Variants in ANK2 observed in about 807,000 individuals in gnomAD.
ANK2 encodes ankyrin 2, also known as ankyrin-2.
In ANK2, 83 loss-of-function variants were observed where a neutral mutation model predicts 360.5. That is an observed-to-expected ratio of 0.23 (90% CI 0.19 to 0.28). The LOEUF is 0.28. Among genes scored for constraint, ANK2 ranks in the 10% least tolerant of loss-of-function variants. The pLI is 1.00. For synonymous variants in ANK2, 1,740 were observed against 1,759.5 expected, an observed-to-expected ratio of 0.99 and a Z score of 0.28; for missense variants, 4,201 against 4,795.7, an observed-to-expected ratio of 0.88 and a Z score of 3.66.
chr4:112,952,253 C>T (rs754880032), intron 2 of ANK2, among the ~76,000 whole-genome samples: 2 of 152,034 alleles, frequency 1.3e-5, no homozygotes, highest in African/African-American at 2.4e-5. Flanking sequence ...GCATAGATAA[C>T]GGTAAAATGT....
chr4:113,276,783 G>T (rs1372694615), intron 15 of ANK2, among the ~76,000 whole-genome samples: 2 of 152,204 alleles, frequency 1.3e-5, no homozygotes, highest in African/African-American at 2.4e-5. Context: ...GACACCGAAA[G>T]GGCAATATTG....
At chr4:113,220,678 G>A (rs914860901) in intron 4 of ANK2, among the ~76,000 whole-genome samples, 4 of 152,170 alleles carry the variant, frequency 2.6e-5, no homozygotes, top group Non-Finnish European at 5.9e-5. Flanking sequence ...AGAGAAAAAT[G>A]TTTTGGAGTT....
the ANK2 span, among the ~76,000 whole-genome samples, chr4:112,737,035 A>C: frequency 6.6e-6 from 1 of 152,074 alleles, no homozygotes; most frequent in Non-Finnish European, 1.5e-5. Context: ...CTGAAGTTGC[A>C]TGGTTTGAGT....
chr4:112,985,200 A>G (rs2044432444), intron 2 of ANK2, among the ~76,000 whole-genome samples: 1 of 152,326 alleles, frequency 6.6e-6, no homozygotes, highest in African/African-American at 2.4e-5. Context: ...TTAAAATACT[A>G]TTCTATACCT....
Position 113,233,106 on chromosome 4 carries a change from G to GTTTTTTTTTTTTTTT in ANK2, c.483+879_483+893dup, listed in dbSNP as rs1156385030. Among the ~76,000 whole-genome samples the GTTTTTTTTTTTTTTT allele has an allele frequency of 2.5e-5, 2 of 79,704 alleles. 1 individual carries two copies. The highest frequency in any genetic ancestry group is 5.0e-5 in the Non-Finnish European group (2 of 39,856). The allele number at this position is 79,704 out of a possible 152,430, so 52.3% of individuals were successfully genotyped here. ...CAGAGTATATGGGCTTGGCTTTTCTGTTTTTTTTTTTTTTTTTTTTTTTTT... is the reference window on the plus strand; with the variant it reads ...CAGAGTATATGGGCTTGGCTTTTCTGTTTTTTTTTTTTTTTTTTTTTTTTTTTTTTTTTTTTTTTT... On this transcript the variant is annotated intron_variant, in intron 5 of 45. Transcript: ENST00000357077.
chr4:113,258,088 C>A lies in ANK2; in HGVS notation c.1227C>A (p.Asn409Lys), dbSNP rs773501036. The A allele has an allele frequency of 6.2e-7, 1 of 1,614,186 alleles. No homozygotes were observed. Among genetic ancestry groups the A allele is most frequent in the Non-Finnish European group, 8.5e-7 (1 of 1,180,018 alleles). ...CACTGCACATTGCCTGCAAGAAAAA[C>A]CGCATCAAAGTCATGGAACTGCTGG... ...FTPLHIACKK[N>K]RIKVMELLVK... Residue 409 changes from asparagine (N) to lysine (K), a missense_variant, in exon 12 of 46, where the codon AAC (asparagine) becomes AAA (lysine). Asn to Lys is a moderately conservative substitution (Grantham distance 94, BLOSUM62 0). Coordinates refer to ENST00000357077, the MANE Select transcript of ANK2 (RefSeq NM_001148.6).
At chr4:113,311,808 AT>A (rs2080123012) in intron 24 of ANK2, among the ~76,000 whole-genome samples, 1 of 152,194 alleles carries the variant, frequency 6.6e-6, no homozygotes, top group African/African-American at 2.4e-5. Context: ...TAGTAACATA[AT>A]TTCTGTGAAT....
At chr4:112,763,788 G>A in the ANK2 span, among the ~76,000 whole-genome samples, 1 of 152,052 alleles carries the variant, frequency 6.6e-6, no homozygotes, top group African/African-American at 2.4e-5. Context: ...CCAAAGTGCT[G>A]GGATTACAGG....
At chr4:113,177,238 G>A (rs1047217417) in intron 2 of ANK2, among the ~76,000 whole-genome samples, 6 of 151,958 alleles carry the variant, frequency 3.9e-5, no homozygotes, top group Admixed American at 2.6e-4. Flanking sequence ...CCGCCACCAC[G>A]CCCGGCTAAT....
At chr4:113,008,380 A>T (rs773652054) in intron 2 of ANK2, among the ~76,000 whole-genome samples, 14 of 152,010 alleles carry the variant, frequency 9.2e-5, no homozygotes, top group Non-Finnish European at 1.8e-4. Context: ...TGCCAATAGA[A>T]ATGTTATTTT....
intron 2 of ANK2, among the ~76,000 whole-genome samples, chr4:113,027,615 C>T (rs944837016): frequency 6.6e-6 from 1 of 152,088 alleles, no homozygotes; most frequent in East Asian, 1.9e-4. Flanking sequence ...GAGCTCATGT[C>T]CCCAGGTGTC....
At chr4:113,348,910 G>A (rs1251425412) in intron 36 of ANK2, among the ~76,000 whole-genome samples, 1 of 152,050 alleles carries the variant, frequency 6.6e-6, no homozygotes, top group Non-Finnish European at 1.5e-5. Flanking sequence ...ATTTTTGGGA[G>A]TGTAAAGGGG....
At chr4:112,784,623 G>C in the ANK2 span, among the ~76,000 whole-genome samples, 2 of 151,964 alleles carry the variant, frequency 1.3e-5, no homozygotes, top group African/African-American at 4.8e-5. Flanking sequence ...GATTACAAGC[G>C]TGAGCCACCC....
rs559166945 is a variant in ANK2, at chr4:113,374,759, A to G, written c.11859+1310A>G. ...ATTGTCTATTGTGTGTCCTTCGATC[A>G]TTAGGTCACTTTGTGTGAGCCCAGC... On this transcript the variant is annotated intron_variant, in intron 45 of 45. Transcript: ENST00000357077. 3.3e-4 allele frequency: 362 copies of G among 1,084,268 alleles called. No homozygotes were observed. The highest frequency in any genetic ancestry group is 3.9e-4 in the Non-Finnish European group (340 of 879,356). The allele number at this position is 1,084,268 out of a possible 1,614,324, so 67.2% of individuals were successfully genotyped here.
At chr4:113,203,477 A>C (rs1376742919) in intron 4 of ANK2, among the ~76,000 whole-genome samples, 1 of 152,010 alleles carries the variant, frequency 6.6e-6, no homozygotes, top group African/African-American at 2.4e-5. Flanking sequence ...CAAGATGGTA[A>C]ACTTCTTGGG....
chr4:112,918,418 C>G (rs1175358140), intron 2 of ANK2, among the ~76,000 whole-genome samples: 1 of 152,114 alleles, frequency 6.6e-6, no homozygotes, highest in Non-Finnish European at 1.5e-5. Context: ...AAAAGATGAT[C>G]AAGTCACCTT....
intron 1 of ANK2, among the ~76,000 whole-genome samples, chr4:112,903,407 A>G (rs527808770): frequency 2.6e-4 from 39 of 152,396 alleles, no homozygotes; most frequent in South Asian, 8.3e-4. Flanking sequence ...TGATTCTGCT[A>G]TAATTGGTCC....
chr4:112,727,242 A>G, the ANK2 span, among the ~76,000 whole-genome samples: 7 of 152,118 alleles, frequency 4.6e-5, no homozygotes, highest in East Asian at 1.3e-3. Flanking sequence ...GACTAGATGT[A>G]TAGCCTTTGG....
Position 113,355,386 on chromosome 4 carries a change from G to C in ANK2, c.6768G>C (p.Glu2256Asp), listed in dbSNP as rs768025908. Residue 2256 changes from glutamate to aspartate, a missense_variant, in exon 38 of 46, where the codon GAG becomes GAC. Glu to Asp is a conservative substitution (Grantham distance 45). Coordinates refer to ENST00000357077, the MANE Select transcript of ANK2 (RefSeq NM_001148.6). ...CTTTCTCACCAAAGAAAAGTGAGGAGCAAACTGGGGAAACAAAGGAAAGCA... is the reference window on the plus strand; with the variant it reads ...CTTTCTCACCAAAGAAAAGTGAGGACCAAACTGGGGAAACAAAGGAAAGCA... ...SLSFSPKKSEEQTGETKESTK... is the reference protein window; with the variant it reads ...SLSFSPKKSEDQTGETKESTK... 3.1e-6 allele frequency: 5 copies of C among 1,613,988 alleles called. No homozygotes were observed. The South Asian group carries it at 5.5e-5, about 18-fold the overall frequency.
Sources: gnomAD v4.1 joint callset for allele counts (sites outside exome capture counted in the v4.1 genomes callset) on GRCh38, gnomAD v4.1.1 for gene constraint, MANE v1.5 for transcripts, NCBI Gene and HGNC (gene_info 2026-07-23, HGNC 2026-07-21) for gene names.